Variants in SLC24A3 observed in about 807,000 individuals in gnomAD.
The protein encoded by SLC24A3 is solute carrier family 24 member 3.
SLC24A3 carries 28 observed loss-of-function variants against 75.8 expected under a neutral mutation model. The ratio of observed to expected loss-of-function variants is 0.37; its 90% confidence interval spans 0.27 to 0.51. The LOEUF (loss-of-function observed/expected upper bound fraction) is 0.51. SLC24A3 is among the 20% of genes least tolerant of loss of function. The pLI is 0.94. For synonymous variants in SLC24A3, 372 were observed against 334.1 expected, an observed-to-expected ratio of 1.11 and a Z score of -1.24; for missense variants, 663 against 847.8, an observed-to-expected ratio of 0.78 and a Z score of 2.71.
chr20:19,664,364 G>A (rs1227846600), intron 7 of SLC24A3, among the ~76,000 whole-genome samples: 1 of 152,060 alleles, frequency 6.6e-6, no homozygotes. Flanking sequence ...ATTCTAGTTT[G>A]ACATTGTCAT....
intron 7 of SLC24A3, among the ~76,000 whole-genome samples, chr20:19,660,176 T>C (rs916348268): frequency 2.0e-5 from 3 of 152,182 alleles, no homozygotes; most frequent in East Asian, 1.9e-4. Context: ...GTGTGGTTTT[T>C]GGTTACATGG....
chr20:19,299,853 T>C (rs922197860), intron 2 of SLC24A3, among the ~76,000 whole-genome samples: 10 of 152,350 alleles, frequency 6.6e-5, no homozygotes, highest in East Asian at 3.9e-4. Context: ...CACTGGGCTC[T>C]ACCTTGTGTG....
intron 2 of SLC24A3, among the ~76,000 whole-genome samples, chr20:19,404,508 C>G (rs564199758): frequency 1.1e-4 from 17 of 152,214 alleles, no homozygotes; most frequent in Admixed American, 5.2e-4. Context: ...TCCCCTGGAG[C>G]CTAACGGGTC....
chr20:19,491,753 A>G lies in SLC24A3; in HGVS notation c.272-23735A>G, dbSNP rs943768256. Among the ~76,000 whole-genome samples the G allele has an allele frequency of 5.3e-5, 8 of 152,204 alleles. 1 individual carries two copies. Among genetic ancestry groups the G allele is most frequent in the African/African-American group, 1.9e-4 (8 of 41,450 alleles). The stretch of plus-strand genomic sequence containing the variant: ...GGAAAGGAGTGGGAGAGGAAAGAGG[A>G]AGGGAAGGAACCAAATTGAGGGTGT... On this transcript the variant is annotated intron_variant, in intron 2 of 16. Coordinates refer to ENST00000328041, the MANE Select transcript of SLC24A3 (RefSeq NM_020689.4).
rs532678939 is a variant in SLC24A3, at chr20:19,609,546, T to G, written c.612+24002T>G. Among the ~76,000 whole-genome samples, 4 of 152,236 alleles carry G rather than the reference T, an allele frequency of 2.6e-5. No individual in the cohort carries two copies. In the East Asian group the frequency reaches 5.8e-4, roughly 22 times the overall value. ...AAGCCCCGCATGCATTAGGTATTTGTCCTAATGCTCTCCCTCCCCTTGCCC... is the reference window on the plus strand; with the variant it reads ...AAGCCCCGCATGCATTAGGTATTTGGCCTAATGCTCTCCCTCCCCTTGCCC... On this transcript the variant is annotated intron_variant, in intron 6 of 16. Transcript: ENST00000328041.
At chr20:19,700,546 T>C (rs2032858503) in intron 15 of SLC24A3, among the ~76,000 whole-genome samples, 1 of 152,244 alleles carries the variant, frequency 6.6e-6, no homozygotes, top group Non-Finnish European at 1.5e-5. Flanking sequence ...ATGTGGCTTG[T>C]GGCTGACTGT....
chr20:19,567,706 A>G (rs1346897490), intron 3 of SLC24A3, among the ~76,000 whole-genome samples: 1 of 152,228 alleles, frequency 6.6e-6, no homozygotes, highest in Non-Finnish European at 1.5e-5. Flanking sequence ...ACCATGTCTC[A>G]GTCACCATCT....
At chr20:19,673,773 T>C in intron 9 of SLC24A3, 119 bp downstream of exon 9, 1 of 780,222 alleles carries the variant, frequency 1.3e-6, no homozygotes, top group African/African-American at 1.7e-5. Context: ...ATCATCACAG[T>C]CACTTGGCTC....
At position 19,290,291 on chromosome 20, in the gene SLC24A3, G is replaced by A. The variant is rs1053693444; in HGVS notation, c.271+9204G>A. On this transcript the variant is annotated intron_variant, in intron 2 of 16. Transcript: ENST00000328041. The stretch of plus-strand genomic sequence containing the variant: ...GGAAAATCTCAGCCTCTGGGACTGG[G>A]AAGCAGGTGTCAGAGGTTTTCAAGC... 4.7e-4 allele frequency among the ~76,000 whole-genome samples: 72 copies of A among 152,194 alleles called. 2 individuals carry two copies. Among genetic ancestry groups the A allele is most frequent in the Non-Finnish European group, 3.1e-4 (21 of 68,040 alleles).
At chr20:19,414,969 A>G (rs1302863244) in intron 2 of SLC24A3, among the ~76,000 whole-genome samples, 3 of 152,160 alleles carry the variant, frequency 2.0e-5, no homozygotes, top group African/African-American at 7.2e-5. Context: ...ATATCACTTC[A>G]TGAATTTTAT....
chr20:19,696,770 C>G (rs987748700), intron 13 of SLC24A3, 27 bp from the exon 14 acceptor site: 1 of 1,547,748 alleles, frequency 6.5e-7, no homozygotes, highest in Non-Finnish European at 8.9e-7. Context: ...TGACCCTCAG[C>G]TGACCACCTC....
chr20:19,566,314 C>T (rs2328410), intron 3 of SLC24A3, among the ~76,000 whole-genome samples: 105,689 of 152,120 alleles, frequency 0.69, 38,044 homozygotes, highest in South Asian at 0.84. Context: ...ACGTATTCTC[C>T]TGCAACAACT....
chr20:19,360,999 T>C (rs1351156390), intron 2 of SLC24A3, among the ~76,000 whole-genome samples: 1 of 152,124 alleles, frequency 6.6e-6, no homozygotes, highest in Non-Finnish European at 1.5e-5. Flanking sequence ...GCTAATTTTT[T>C]TGTATTTTTA....
chr20:19,521,482 A>C (rs2030097515), intron 3 of SLC24A3, among the ~76,000 whole-genome samples: 1 of 152,072 alleles, frequency 6.6e-6, no homozygotes, highest in African/African-American at 2.4e-5. Flanking sequence ...CCTCAGCAAA[A>C]GTGGAGACTT....
intron 1 of SLC24A3, among the ~76,000 whole-genome samples, chr20:19,229,314 T>G (rs1011786743): frequency 6.6e-6 from 1 of 152,146 alleles, no homozygotes; most frequent in African/African-American, 2.4e-5. Context: ...TCTTCATTAA[T>G]TTTTCTCTTT....
chr20:19,370,240 A>G (rs1416944329), intron 2 of SLC24A3, among the ~76,000 whole-genome samples: 2 of 152,198 alleles, frequency 1.3e-5, no homozygotes, highest in Non-Finnish European at 2.9e-5. Flanking sequence ...TTTTTTGATG[A>G]TTCACTACTT....
At chr20:19,622,378 G>C (rs943685513) in intron 6 of SLC24A3, among the ~76,000 whole-genome samples, 1 of 152,208 alleles carries the variant, frequency 6.6e-6, no homozygotes, top group Non-Finnish European at 1.5e-5. Context: ...GTCATTTCTA[G>C]AGTATCCTTT....
intron 15 of SLC24A3, among the ~76,000 whole-genome samples, chr20:19,712,967 T>G (rs1478044041): frequency 1.3e-5 from 2 of 152,244 alleles, no homozygotes; most frequent in African/African-American, 4.8e-5. Flanking sequence ...CAGGCAAGGC[T>G]TACAGAAGGG....
chr20:19,500,975 T>A (rs1988375524), intron 2 of SLC24A3, among the ~76,000 whole-genome samples: 2 of 152,210 alleles, frequency 1.3e-5, no homozygotes, highest in Non-Finnish European at 2.9e-5. Context: ...TACCACTACC[T>A]CTTGCATTAT....
Sources: gnomAD v4.1 joint callset for allele counts (sites outside exome capture counted in the v4.1 genomes callset) on GRCh38, gnomAD v4.1.1 for gene constraint, MANE v1.5 for transcripts, NCBI Gene and HGNC (gene_info 2026-07-23, HGNC 2026-07-21) for gene names.